GMDS: variants seen among roughly 807,000 people sequenced by gnomAD.
GMDS encodes GDP-mannose 4,6 dehydratase.
In GMDS, 20 loss-of-function variants were observed where a neutral mutation model predicts 49.9. That is an observed-to-expected ratio of 0.40 (90% CI 0.28 to 0.58). The LOEUF (loss-of-function observed/expected upper bound fraction) is 0.58. Among genes scored for constraint, GMDS ranks in the 20% least tolerant of loss-of-function variants. GMDS has a pLI of 0.42. For missense variants in GMDS, 362 were observed against 481.4 expected (o/e 0.75, Z 2.32); for synonymous variants, 177 against 178.6 (o/e 0.99, Z 0.07).
intron 4 of GMDS, among the ~76,000 whole-genome samples, chr6:1,999,203 T>C (rs1326031549): frequency 6.6e-6 from 1 of 151,610 alleles, no homozygotes; most frequent in Non-Finnish European, 1.5e-5. Context: ...ATGCCTGTAA[T>C]TCCAGCTACT....
chr6:1,710,780 G>T (rs530107935), intron 9 of GMDS, among the ~76,000 whole-genome samples: 189 of 152,320 alleles, frequency 1.2e-3, no homozygotes, highest in Non-Finnish European at 2.2e-3. Context: ...CTTGCAGGGC[G>T]GGGGTGTGAA....
intron 7 of GMDS, 80 bp from the exon 8 acceptor site, chr6:1,742,666 A>G: frequency 1.3e-6 from 1 of 747,204 alleles, no homozygotes; most frequent in Non-Finnish European, 2.4e-6. Context: ...ATAATCAGAT[A>G]TGGACATCGA....
chr6:2,211,502 A>G (rs1484840420), intron 1 of GMDS, among the ~76,000 whole-genome samples: 2 of 152,216 alleles, frequency 1.3e-5, no homozygotes, highest in Non-Finnish European at 2.9e-5. Context: ...ACTAATTAAT[A>G]GTAACATCTG....
At chr6:1,936,615 C>T (rs1418056435) in intron 6 of GMDS, among the ~76,000 whole-genome samples, 2 of 152,144 alleles carry the variant, frequency 1.3e-5, no homozygotes, top group Admixed American at 1.3e-4. Context: ...TAGCACCACA[C>T]GCCACACCAC....
At chr6:2,139,315 C>T (rs1168554789) in intron 1 of GMDS, among the ~76,000 whole-genome samples, 1 of 152,152 alleles carries the variant, frequency 6.6e-6, no homozygotes, top group Non-Finnish European at 1.5e-5. Flanking sequence ...AGTGAGAACA[C>T]AGAAAAAGTA....
At chr6:2,007,227 CTG>C (rs376148793) in intron 4 of GMDS, among the ~76,000 whole-genome samples, 1 of 151,874 alleles carries the variant, frequency 6.6e-6, no homozygotes, top group South Asian at 2.1e-4. Flanking sequence ...ACTTTAGGAG[CTG>C]TGTGTGTGTG....
intron 7 of GMDS, among the ~76,000 whole-genome samples, chr6:1,928,591 T>G (rs542898162): frequency 6.6e-6 from 1 of 152,326 alleles, no homozygotes; most frequent in African/African-American, 2.4e-5. Flanking sequence ...AACCTATATA[T>G]TTTTTGATGT....
intron 4 of GMDS, among the ~76,000 whole-genome samples, chr6:2,024,713 A>G (rs747429427): frequency 5.9e-5 from 9 of 152,084 alleles, no homozygotes; most frequent in Non-Finnish European, 1.2e-4. Flanking sequence ...AAAGAGAAGC[A>G]AAGAAAAAGG....
intron 7 of GMDS, among the ~76,000 whole-genome samples, chr6:1,926,853 G>A (rs1273512986): frequency 6.6e-6 from 1 of 152,166 alleles, no homozygotes; most frequent in African/African-American, 2.4e-5. Context: ...TAGAAACCCA[G>A]GAGAGTCCTT....
chr6:1,723,040 T>C (rs1581508215), intron 9 of GMDS, among the ~76,000 whole-genome samples: 1 of 152,246 alleles, frequency 6.6e-6, no homozygotes, highest in Middle Eastern at 3.4e-3. Context: ...AACAAACACT[T>C]TGAAAACTTC....
At chr6:2,207,855 G>A (rs1322699926) in intron 1 of GMDS, among the ~76,000 whole-genome samples, 1 of 151,874 alleles carries the variant, frequency 6.6e-6, no homozygotes, top group East Asian at 1.9e-4. Flanking sequence ...AAGGGACACA[G>A]TAAATTCCTC....
At chr6:1,922,121 A>G (rs1307908977) in intron 7 of GMDS, among the ~76,000 whole-genome samples, 2 of 152,210 alleles carry the variant, frequency 1.3e-5, no homozygotes, top group East Asian at 1.9e-4. Context: ...AGATTCTAAT[A>G]GAATAGGTTT....
chr6:2,244,001 T>C (rs553085068), intron 1 of GMDS, among the ~76,000 whole-genome samples: 50 of 151,958 alleles, frequency 3.3e-4, no homozygotes, highest in Non-Finnish European at 5.6e-4. Flanking sequence ...TAGCTAGCAC[T>C]ACAGGTGAGC....
chr6:1,768,485 A>ACT (rs1332109197), intron 7 of GMDS, among the ~76,000 whole-genome samples: 1 of 152,164 alleles, frequency 6.6e-6, no homozygotes, highest in Non-Finnish European at 1.5e-5. Context: ...ATACCTTAGA[A>ACT]CTCCTGCTTC....
intron 9 of GMDS, 49 bp downstream of exon 9, chr6:1,726,363 CCCAG>C: frequency 8.1e-6 from 10 of 1,233,242 alleles, no homozygotes; most frequent in Non-Finnish European, 1.2e-5. Context: ...AGCGCATTTG[CCCAG>C]CCAGCCAGCC....
intron 8 of GMDS, among the ~76,000 whole-genome samples, chr6:1,735,336 TA>T (rs1261150010): frequency 1.3e-5 from 2 of 152,228 alleles, no homozygotes; most frequent in Non-Finnish European, 2.9e-5. Context: ...ATGTGGAAGC[TA>T]GACATGTCTC....
Position 1,624,034 on chromosome 6 carries a change from C to T in GMDS, c.*135G>A, listed in dbSNP as rs577452912. 2.7e-6 allele frequency: 2 copies of T among 735,880 alleles called. No individual in the cohort carries two copies. Among genetic ancestry groups the T allele is most frequent in the Admixed American group, 2.6e-5 (1 of 38,578 alleles). The allele number at this position is 735,880 out of a possible 1,614,324, so 45.6% of individuals were successfully genotyped here. ...GGCGGGGCGGCCCCGCTCTTGCGGC[C>T]GGGACAGCGCAGCGGCAGCAGGGGC... On this transcript the variant is annotated 3_prime_UTR_variant, in exon 11 of 11. Coordinates refer to ENST00000380815, the MANE Select transcript of GMDS (RefSeq NM_001500.4).
Position 1,742,553 on chromosome 6 carries a change from C to T in GMDS, c.805G>A (p.Glu269Lys). ...TCCCCAGTAGCTATAACGAAGTCCT[C>T]CGGCTCATCATTCTGCAACATCAAC... ...MWLMLQNDEPEDFVIATGEVH... is the reference protein window; with the variant it reads ...MWLMLQNDEPKDFVIATGEVH... Residue 269 changes from glutamate to lysine, a missense_variant, in exon 8 of 11, where the codon GAG (glutamate) becomes AAG (lysine). Physicochemically the swap from Glu to Lys is moderately conservative, Grantham distance 56. Coordinates refer to ENST00000380815, the MANE Select transcript of GMDS (RefSeq NM_001500.4). 1 of 1,610,832 alleles carries T rather than the reference C, an allele frequency of 6.2e-7. No individual in the cohort carries two copies. Among genetic ancestry groups the T allele is most frequent in the East Asian group, 2.2e-5 (1 of 44,850 alleles).
At chr6:1,884,661 G>A (rs1342437084) in intron 7 of GMDS, among the ~76,000 whole-genome samples, 1 of 152,218 alleles carries the variant, frequency 6.6e-6, no homozygotes, top group Non-Finnish European at 1.5e-5. Flanking sequence ...ATGCTCATTT[G>A]TAAATGTTCC....
Sources: allele counts gnomAD v4.1 joint callset (sites outside exome capture counted in the v4.1 genomes callset), GRCh38; gene constraint gnomAD v4.1.1; transcripts MANE v1.5; gene names NCBI Gene and HGNC (gene_info 2026-07-23, HGNC 2026-07-21).